Variants in EFCAB11 observed in about 807,000 individuals in gnomAD.
EFCAB11 encodes the protein EF-hand calcium-binding domain-containing protein 11.
A neutral mutation model predicts 23.0 loss-of-function variants in EFCAB11; 14 were observed. The ratio of observed to expected loss-of-function variants is 0.61; its 90% CI spans 0.40 to 0.95. The LOEUF (loss-of-function observed/expected upper bound fraction) is 0.95. EFCAB11 is among the 40% of genes least tolerant of loss of function. The pLI, the probability that EFCAB11 is intolerant of heterozygous loss-of-function variation, is 0.00. For synonymous variants in EFCAB11, 65 were observed against 66.6 expected, an observed-to-expected ratio of 0.98 and a Z score of 0.11; for missense variants, 198 against 195.8, an observed-to-expected ratio of 1.01 and a Z score of -0.07.
chr14:89,901,704 T>C (rs912780585), intron 5 of EFCAB11, among the ~76,000 whole-genome samples: 1 of 152,174 alleles, frequency 6.6e-6, no homozygotes, highest in Non-Finnish European at 1.5e-5. Context: ...GACATAAATA[T>C]ATAATACAAT....
intron 5 of EFCAB11, among the ~76,000 whole-genome samples, chr14:89,825,769 C>A (rs945793264): frequency 1.3e-5 from 2 of 151,936 alleles, no homozygotes; most frequent in Non-Finnish European, 1.5e-5. Flanking sequence ...AGAAAGAGAG[C>A]GAGTGCAAGT....
chr14:89,812,081 A>G (rs1886167314), intron 5 of EFCAB11, among the ~76,000 whole-genome samples: 1 of 152,232 alleles, frequency 6.6e-6, no homozygotes, highest in Non-Finnish European at 1.5e-5. Context: ...CTCTGAGCTT[A>G]TAAGCCTGGA....
intron 5 of EFCAB11, chr14:89,924,805 A>G: frequency 9.5e-7 from 1 of 1,054,326 alleles, no homozygotes; most frequent in Non-Finnish European, 1.3e-6. Context: ...ACTCTTTCCT[A>G]GTTTATGAGA....
At chr14:89,871,408 A>G (rs1888263850) in intron 5 of EFCAB11, among the ~76,000 whole-genome samples, 1 of 152,154 alleles carries the variant, frequency 6.6e-6, no homozygotes, top group Non-Finnish European at 1.5e-5. Context: ...ATCTCTGTAC[A>G]GTTGTTTCAA....
intron 5 of EFCAB11, among the ~76,000 whole-genome samples, chr14:89,914,474 G>A (rs1267267401): frequency 6.6e-6 from 1 of 152,174 alleles, no homozygotes; most frequent in Non-Finnish European, 1.5e-5. Context: ...TAAAAAATCT[G>A]CATAAGTAAT....
rs7158366 is a variant in EFCAB11 at position 89,858,512 on chromosome 14, C to A, written c.411-61188G>T. The stretch of plus-strand genomic sequence containing the variant: ...ATGAAGGGTTTGTTTTGTTTTTAGA[C>A]AAGGTCTCACTCTGTCGCCCAGAGT... On this transcript the variant is annotated intron_variant, in intron 5 of 5. Transcript: ENST00000316738. Among the ~76,000 whole-genome samples the A allele has an allele frequency of 5.4e-3, 820 of 152,230 alleles. 9 individuals carry two copies. The highest frequency in any genetic ancestry group is 0.019 in the African/African-American group (781 of 41,540).
intron 1 of EFCAB11, 21 bp downstream of exon 1, chr14:89,954,565 A>C: frequency 6.2e-7 from 1 of 1,612,624 alleles, no homozygotes; most frequent in Non-Finnish European, 8.5e-7. Flanking sequence ...TCCGAGGCTC[A>C]GTCGCCCTCC....
chr14:89,860,909 C>T (rs1887900532), intron 5 of EFCAB11, among the ~76,000 whole-genome samples: 1 of 152,172 alleles, frequency 6.6e-6, no homozygotes, highest in Admixed American at 6.5e-5. Flanking sequence ...GTTTTACAGT[C>T]TCCCCAGTAA....
chr14:89,814,859 G>A (rs1008910679), intron 5 of EFCAB11, among the ~76,000 whole-genome samples: 10 of 152,158 alleles, frequency 6.6e-5, no homozygotes, highest in African/African-American at 2.4e-4. Flanking sequence ...TGGGCTTTCG[G>A]AGATTTTGAG....
At chr14:89,924,403 TG>T in intron 5 of EFCAB11, 1 of 1,285,904 alleles carries the variant, frequency 7.8e-7, no homozygotes, top group Non-Finnish European at 9.9e-7. Flanking sequence ...GGTCAGGGCA[TG>T]GACCTTATGC....
intron 5 of EFCAB11, among the ~76,000 whole-genome samples, chr14:89,926,377 G>C (rs1005272934): frequency 6.6e-6 from 1 of 152,086 alleles, no homozygotes; most frequent in African/African-American, 2.4e-5. Flanking sequence ...AAAAATCACT[G>C]TTTCCCCTAA....
intron 5 of EFCAB11, chr14:89,848,364 A>G (rs1887498395): frequency 6.6e-6 from 1 of 152,132 alleles, no homozygotes; most frequent in Non-Finnish European, 1.5e-5. Context: ...CCTCTCACTC[A>G]GCTACATCTA....
At chr14:89,839,600 G>A (rs1273282777) in intron 5 of EFCAB11, among the ~76,000 whole-genome samples, 1 of 152,178 alleles carries the variant, frequency 6.6e-6, no homozygotes, top group Non-Finnish European at 1.5e-5. Context: ...GCTTGTATTA[G>A]TCAATTCTCA....
chr14:89,891,715 G>A lies in EFCAB11; in HGVS notation c.410+39826C>T, dbSNP rs577855986. On this transcript the variant is annotated intron_variant, in intron 5 of 5. Coordinates refer to ENST00000316738, the MANE Select transcript of EFCAB11 (RefSeq NM_145231.4). ...CACACACACACACGCACGCGCACAC[G>A]CACACACCACCCTAAGTAAAATATT... 1.1e-3 allele frequency among the ~76,000 whole-genome samples: 174 copies of A among 152,006 alleles called. 1 individual carries two copies. Among genetic ancestry groups the A allele is most frequent in the African/African-American group, 4.1e-3 (170 of 41,484 alleles).
intron 5 of EFCAB11, chr14:89,923,877 A>C (rs1266376746): frequency 1.0e-6 from 1 of 985,348 alleles, no homozygotes; most frequent in Non-Finnish European, 1.2e-6. Context: ...AATTACAGTG[A>C]GAAATAACAT....
At chr14:89,912,910 A>C (rs1052425288) in intron 5 of EFCAB11, among the ~76,000 whole-genome samples, 1 of 152,248 alleles carries the variant, frequency 6.6e-6, no homozygotes, top group Non-Finnish European at 1.5e-5. Context: ...AAACTTGCAT[A>C]AAGAGCACAA....
At chr14:89,803,340 G>C (rs1034413998) in intron 5 of EFCAB11, among the ~76,000 whole-genome samples, 1 of 152,222 alleles carries the variant, frequency 6.6e-6, no homozygotes, top group Non-Finnish European at 1.5e-5. Flanking sequence ...TTTGAAATGA[G>C]CCCAGAGAAG....
chr14:89,853,969 A>G (rs1355128664), intron 5 of EFCAB11, among the ~76,000 whole-genome samples: 1 of 152,252 alleles, frequency 6.6e-6, no homozygotes, highest in Non-Finnish European at 1.5e-5. Context: ...TTTATAGACT[A>G]TAATAACAGC....
At chr14:89,859,010 T>C (rs944295526) in intron 5 of EFCAB11, among the ~76,000 whole-genome samples, 1 of 152,148 alleles carries the variant, frequency 6.6e-6, no homozygotes, top group African/African-American at 2.4e-5. Flanking sequence ...AGTGGTGGAT[T>C]GTCACTTATT....
Sources: gnomAD v4.1 joint callset for allele counts (sites outside exome capture counted in the v4.1 genomes callset) on GRCh38, gnomAD v4.1.1 for gene constraint, MANE v1.5 for transcripts, NCBI Gene and HGNC (gene_info 2026-07-23, HGNC 2026-07-21) for gene names.